Variants in TESPA1 observed in about 807,000 individuals in gnomAD.
TESPA1 encodes the protein protein TESPA1.
TESPA1 carries 33 observed loss-of-function variants against 57.9 expected under a neutral mutation model. That is an observed-to-expected ratio of 0.57 (90% CI 0.43 to 0.76). The LOEUF (loss-of-function observed/expected upper bound fraction) is 0.76. Among genes scored for constraint, TESPA1 ranks in the 30% least tolerant of loss-of-function variants. TESPA1 has a pLI of 0.00. For missense variants in TESPA1, 618 were observed against 632.9 expected, an observed-to-expected ratio of 0.98 and a Z score of 0.25; for synonymous variants, 227 against 228.9, an observed-to-expected ratio of 0.99 and a Z score of 0.07.
intron 1 of TESPA1, among the ~76,000 whole-genome samples, chr12:54,982,860 A>G (rs1565879592): frequency 6.6e-6 from 1 of 151,524 alleles, no homozygotes; most frequent in Non-Finnish European, 1.5e-5. Flanking sequence ...ATATCTACAC[A>G]CTCTCTTCTC....
intron 10 of TESPA1, among the ~76,000 whole-genome samples, chr12:54,960,908 G>A (rs1951032636): frequency 6.6e-6 from 1 of 152,100 alleles, no homozygotes; most frequent in Non-Finnish European, 1.5e-5. Context: ...CTGGGAGCTG[G>A]GATCTGGTCA....
At chr12:54,970,110 T>A (rs1253248992) in intron 3 of TESPA1, among the ~76,000 whole-genome samples, 2 of 152,052 alleles carry the variant, frequency 1.3e-5, no homozygotes, top group East Asian at 3.9e-4. Context: ...CTGTTGTTTT[T>A]TTTTCCTTGT....
At chr12:54,953,606 C>T (rs943626566) in intron 10 of TESPA1, among the ~76,000 whole-genome samples, 3 of 150,766 alleles carry the variant, frequency 2.0e-5, no homozygotes, top group Non-Finnish European at 4.4e-5. Flanking sequence ...CAAGCTCCGC[C>T]TCCCGGGTTC....
chr12:54,976,112 A>G lies in TESPA1; in HGVS notation c.-45-1505T>C, dbSNP rs1952126372. 3.3e-5 allele frequency among the ~76,000 whole-genome samples: 5 copies of G among 152,194 alleles called. No individual in the cohort carries two copies. The South Asian group carries it at 1.0e-3, about 31-fold the overall frequency. On this transcript the variant is annotated intron_variant, in intron 1 of 10. Transcript: ENST00000449076. ...ATGTCATAAAGAAGCCTCGAAGAGG[A>G]GTAGCAGAGATGACTTGCTATTCTT...
intron 10 of TESPA1, among the ~76,000 whole-genome samples, chr12:54,950,948 AT>A (rs34091523): frequency 2.7e-4 from 40 of 146,470 alleles, no homozygotes; most frequent in Middle Eastern, 3.4e-3. Flanking sequence ...ATTTTTTTCC[AT>A]TTTTTTTTCC....
intron 10 of TESPA1, among the ~76,000 whole-genome samples, chr12:54,960,013 A>G (rs146984825): frequency 1.2e-3 from 183 of 152,322 alleles, no homozygotes; most frequent in African/African-American, 4.1e-3. Context: ...TAGAATTGTA[A>G]ATATCTTTGT....
At chr12:54,951,816 T>C (rs1439101660) in intron 10 of TESPA1, among the ~76,000 whole-genome samples, 1 of 152,012 alleles carries the variant, frequency 6.6e-6, no homozygotes, top group Non-Finnish European at 1.5e-5. Flanking sequence ...CGTTGTTCCT[T>C]GATAAAACTT....
chr12:54,962,163 G>A (rs11833742), intron 9 of TESPA1, among the ~76,000 whole-genome samples: 55,427 of 152,002 alleles, frequency 0.36, 13,002 homozygotes, highest in East Asian at 0.92. Flanking sequence ...AACAAATGGT[G>A]ATGAGAGGTG....
Position 54,973,496 on chromosome 12 carries a change from C to A in TESPA1, c.187G>T (p.Asp63Tyr), listed in dbSNP as rs759266950. The change falls in exon 3 of 11, where the codon GAC (aspartate) becomes TAC (tyrosine). Residue 63 changes from aspartate to tyrosine, a missense_variant. Coordinates refer to ENST00000449076, the MANE Select transcript of TESPA1 (RefSeq NM_001136030.3). Reference protein sequence around the residue: ...QEGNPINKIEDWLQDCGYSEE... With the variant: ...QEGNPINKIEYWLQDCGYSEE... ...ACTTACCCGCAATCCTGCAGCCAGT[C>A]TTCAATTTTATTGATTGGATTCCCT... 4 of 1,613,876 alleles carry A rather than the reference C, an allele frequency of 2.5e-6. No homozygotes were observed. The highest frequency in any genetic ancestry group is 2.7e-5 in the African/African-American group (2 of 74,924).
At chr12:54,960,734 C>T (rs1951021204) in intron 10 of TESPA1, among the ~76,000 whole-genome samples, 1 of 152,196 alleles carries the variant, frequency 6.6e-6, no homozygotes, top group Non-Finnish European at 1.5e-5. Context: ...GCTGATGCTC[C>T]TTGTATCTGT....
At chr12:54,983,161 G>A (rs937388715) in intron 1 of TESPA1, among the ~76,000 whole-genome samples, 14 of 152,132 alleles carry the variant, frequency 9.2e-5, no homozygotes, top group African/African-American at 3.4e-4. Context: ...TGAAAATGAC[G>A]GTTGGGGCTT....
chr12:54,965,154 AG>A (rs1375218729), intron 7 of TESPA1, among the ~76,000 whole-genome samples: 2 of 152,142 alleles, frequency 1.3e-5, no homozygotes, highest in African/African-American at 4.8e-5. Context: ...CCTGGGATCA[AG>A]CTATTTGTCC....
chr12:54,980,960 C>G (rs570767084), intron 1 of TESPA1, among the ~76,000 whole-genome samples: 20 of 152,096 alleles, frequency 1.3e-4, no homozygotes, highest in Admixed American at 1.3e-3. Context: ...TAAGTTTCTT[C>G]TTTTTCTTTT....
At chr12:54,965,908 A>G in intron 7 of TESPA1, 145 bp downstream of exon 7, 1 of 725,026 alleles carries the variant, frequency 1.4e-6, no homozygotes, top group Non-Finnish European at 2.3e-6. Context: ...TGAAACAAAT[A>G]TGGTCACATT....
intron 3 of TESPA1, among the ~76,000 whole-genome samples, chr12:54,969,521 G>A (rs1951688247): frequency 6.6e-6 from 1 of 151,940 alleles, no homozygotes; most frequent in South Asian, 2.1e-4. Context: ...GCCTGCATAG[G>A]TTCCCCCAAG....
At chr12:54,967,137 T>C (rs1180225392) in intron 5 of TESPA1, 46 bp downstream of exon 5, 1 of 1,605,118 alleles carries the variant, frequency 6.2e-7, no homozygotes, top group Non-Finnish European at 8.5e-7. Flanking sequence ...TCATACAATG[T>C]ATATCCTGTT....
chr12:54,967,974 TC>T, intron 3 of TESPA1, 82 bp from the exon 4 acceptor site: 1 of 1,598,020 alleles, frequency 6.3e-7, no homozygotes, highest in Non-Finnish European at 8.5e-7. Flanking sequence ...TCACACATAT[TC>T]ATATTCTTTT....
intron 4 of TESPA1, 44 bp from the exon 5 acceptor site, chr12:54,967,280 C>T: frequency 1.9e-6 from 3 of 1,601,116 alleles, no homozygotes; most frequent in Non-Finnish European, 2.6e-6. Flanking sequence ...CAGGATGGAA[C>T]ATATACACAT....
intron 1 of TESPA1, among the ~76,000 whole-genome samples, chr12:54,975,683 G>GAATAAAATAA (rs59729826): frequency 0.05 from 7,411 of 148,540 alleles, 253 homozygotes; most frequent in African/African-American, 0.078. Context: ...TTAACTATTG[G>GAATAAAATAA]AATAAAATAA....
Sources: gnomAD v4.1 joint callset for allele counts (sites outside exome capture counted in the v4.1 genomes callset) on GRCh38, gnomAD v4.1.1 for gene constraint, MANE v1.5 for transcripts, NCBI Gene and HGNC (gene_info 2026-07-23, HGNC 2026-07-21) for gene names.